The following HIPK3 variants were observed in gnomAD, a reference collection of about 807,000 sequenced individuals.
The protein encoded by HIPK3 is homeodomain-interacting protein kinase 3.
In HIPK3, 47 loss-of-function variants were observed where a neutral mutation model predicts 124.2. That is an observed-to-expected ratio of 0.38 (90% CI 0.30 to 0.48). The LOEUF is 0.48. HIPK3 is among the 20% of genes least tolerant of loss of function. HIPK3 has a pLI of 0.98. For missense variants in HIPK3, 1,286 were observed against 1,454.3 expected, an observed-to-expected ratio of 0.88 and a Z score of 1.88; for synonymous variants, 482 against 515.2, an observed-to-expected ratio of 0.94 and a Z score of 0.87.
chr11:33,312,777 C>G (rs1040549640), intron 2 of HIPK3, among the ~76,000 whole-genome samples: 3 of 152,130 alleles, frequency 2.0e-5, no homozygotes, highest in Non-Finnish European at 4.4e-5. Context: ...ACTTGTGATG[C>G]TTTTGGGTTT....
At chr11:33,296,391 A>C (rs768058065) in intron 2 of HIPK3, among the ~76,000 whole-genome samples, 4 of 152,182 alleles carry the variant, frequency 2.6e-5, no homozygotes, top group Non-Finnish European at 4.4e-5. Flanking sequence ...CAGGTCAGGT[A>C]TGCTCAGTGG....
Position 33,287,109 on chromosome 11 carries a change from C to T in HIPK3, c.695C>T (p.Pro232Leu). ...GCAATCAAAATTTTGAAGAATCATCCTTCTTATGCCCGTCAAGGTCAAATA... is the reference window on the plus strand; with the variant it reads ...GCAATCAAAATTTTGAAGAATCATCTTTCTTATGCCCGTCAAGGTCAAATA... ...IVAIKILKNHPSYARQGQIEV... is the reference protein window; with the variant it reads ...IVAIKILKNHLSYARQGQIEV... Residue 232 changes from proline to leucine, a missense_variant, in exon 2 of 17, where the codon CCT (proline) becomes CTT (leucine). Around this residue, in one of 3 missense-constraint regions of HIPK3, gnomAD observed 251 missense variants for 349.1 expected, o/e 0.72. Transcript: ENST00000303296. 6.2e-7 allele frequency: 1 copy of T among 1,614,122 alleles called. No individual in the cohort carries two copies.
chr11:33,316,206 G>T (rs1207557382), intron 2 of HIPK3, among the ~76,000 whole-genome samples: 1 of 152,154 alleles, frequency 6.6e-6, no homozygotes, highest in Non-Finnish European at 1.5e-5. Flanking sequence ...AATGTTGAGG[G>T]TTTGTTGCTT....
chr11:33,326,688 C>T (rs968999766), intron 2 of HIPK3, among the ~76,000 whole-genome samples: 1 of 150,604 alleles, frequency 6.6e-6, no homozygotes, highest in African/African-American at 2.5e-5. Context: ...TTTTTTTCCC[C>T]CGAGACAGAG....
intron 2 of HIPK3, among the ~76,000 whole-genome samples, chr11:33,326,625 A>G (rs1852819720): frequency 6.6e-6 from 1 of 152,146 alleles, no homozygotes; most frequent in Admixed American, 6.5e-5. Context: ...GATTATTGTC[A>G]GAAGAACATA....
intron 1 of HIPK3, 103 bp downstream of exon 1, chr11:33,257,992 C>G (rs960909912): frequency 6.9e-5 from 63 of 907,440 alleles, no homozygotes; most frequent in Non-Finnish European, 7.8e-5. Context: ...CGGGCCTGGC[C>G]CGACACCTCC....
intron 2 of HIPK3, among the ~76,000 whole-genome samples, chr11:33,292,062 C>T (rs1187283410): frequency 1.3e-5 from 2 of 152,088 alleles, no homozygotes; most frequent in African/African-American, 4.8e-5. Flanking sequence ...AAAATAACGG[C>T]TAATATTTTA....
chr11:33,256,724 TA>T (rs1850674989), upstream of HIPK3: 1 of 984,126 alleles, frequency 1.0e-6, no homozygotes, highest in Non-Finnish European at 1.2e-6. Context: ...TTAAACCGAC[TA>T]ATTTAACGGA....
chr11:33,341,309 A>T (rs1270457348), intron 7 of HIPK3, among the ~76,000 whole-genome samples, 182 bp downstream of exon 7: 1 of 152,126 alleles, frequency 6.6e-6, no homozygotes, highest in Admixed American at 6.5e-5. Flanking sequence ...ATCTACTCCG[A>T]TTCACTTTTT....
intron 6 of HIPK3, 32 bp downstream of exon 6, chr11:33,339,566 C>G (rs1283968486): frequency 5.0e-6 from 7 of 1,413,738 alleles, no homozygotes; most frequent in East Asian, 2.3e-5. Flanking sequence ...TAAAGTGGTT[C>G]TAAAAAAAAA....
chr11:33,278,828 A>C (rs1038922056), intron 1 of HIPK3, among the ~76,000 whole-genome samples: 1 of 152,124 alleles, frequency 6.6e-6, no homozygotes, highest in Admixed American at 6.5e-5. Flanking sequence ...TGGGCGACAG[A>C]GCGAGACTCC....
intron 2 of HIPK3, among the ~76,000 whole-genome samples, chr11:33,297,914 C>T (rs1477813742): frequency 1.3e-5 from 2 of 151,562 alleles, no homozygotes; most frequent in Non-Finnish European, 2.9e-5. Context: ...CTCAGCCTCC[C>T]GAGTAGCTGG....
intron 2 of HIPK3, among the ~76,000 whole-genome samples, chr11:33,311,670 C>A (rs193212908): frequency 6.6e-6 from 1 of 152,134 alleles, no homozygotes; most frequent in East Asian, 1.9e-4. Context: ...ATTGCTATCA[C>A]GCAAAGTCAG....
chr11:33,332,687 A>G lies in HIPK3; in HGVS notation c.1221+4054A>G, dbSNP rs377409036. 3.3e-4 allele frequency among the ~76,000 whole-genome samples: 50 copies of G among 152,382 alleles called. No individual in the cohort carries two copies. The South Asian group carries it at 8.5e-3, about 26-fold the overall frequency. On this transcript the variant is annotated intron_variant, in intron 3 of 16. Coordinates refer to ENST00000303296, the MANE Select transcript of HIPK3 (RefSeq NM_005734.5). ...CAACTGCAGAGAAAATAAATCTTTCAAGATTTCTATTTTTGTCAGGCTATT... is the reference window on the plus strand; with the variant it reads ...CAACTGCAGAGAAAATAAATCTTTCGAGATTTCTATTTTTGTCAGGCTATT...
upstream of HIPK3, chr11:33,256,814 G>A (rs1850677186): frequency 7.6e-6 from 4 of 524,456 alleles, no homozygotes; most frequent in Non-Finnish European, 9.8e-6. Flanking sequence ...ATTTCCAAGA[G>A]GACCCTTCCC....
Position 33,286,928 on chromosome 11 carries a change from A to G in HIPK3, c.514A>G (p.Lys172Glu). ...VTVVTATTGS[K>E]QNCTTGEGDY... The stretch of plus-strand genomic sequence containing the variant: ...AGTTGTGACAGCTACCACAGGATCA[A>G]AACAGAATTGTACCACTGGAGAAGG... The change falls in exon 2 of 17, where the codon AAA becomes GAA. Residue 172 changes from lysine to glutamate, a missense_variant. By Grantham distance (56) the Lys-to-Glu change is moderately conservative. Coordinates refer to ENST00000303296, the MANE Select transcript of HIPK3 (RefSeq NM_005734.5). 1.9e-6 allele frequency: 3 copies of G among 1,614,214 alleles called. No individual in the cohort carries two copies. The highest frequency in any genetic ancestry group is 2.5e-6 in the Non-Finnish European group (3 of 1,180,026).
chr11:33,306,172 CTT>C (rs925164603), intron 2 of HIPK3, among the ~76,000 whole-genome samples: 3 of 152,080 alleles, frequency 2.0e-5, no homozygotes, highest in Non-Finnish European at 4.4e-5. Flanking sequence ...ATAGATAACT[CTT>C]TTACTTAATT....
At chr11:33,257,247 A>ACGGAGGCGCCGCGGCCGGAGCGGAG, upstream of HIPK3, 9 of 983,630 alleles carry the variant, frequency 9.1e-6, no homozygotes, top group South Asian at 3.8e-4. Flanking sequence ...GAGGGGCTTC[A>ACGGAGGCGCCGCGGCCGGAGCGGAG]CGGAGGCGCC....
Position 33,353,784 on chromosome 11 carries a change from CTA to C in HIPK3, c.*217_*218del, listed in dbSNP as rs1312184385. On this transcript the variant is annotated 3_prime_UTR_variant, in exon 17 of 17. Coordinates refer to ENST00000303296, the MANE Select transcript of HIPK3 (RefSeq NM_005734.5). ...CATGTTATCTTCTTATGTAGTAACT[CTA>C]GACAGGTGACTTATGGGAGCAGAAG... 2 of 496,066 alleles carry C rather than the reference CTA, an allele frequency of 4.0e-6. No individual in the cohort carries two copies. Among genetic ancestry groups the C allele is most frequent in the African/African-American group, 3.9e-5 (2 of 51,646 alleles). The allele number at this position is 496,066 out of a possible 1,614,324, so 30.7% of individuals were successfully genotyped here. A position where few individuals can be genotyped will look rare whatever the true frequency, so the allele number is the denominator to read the frequency against.
Sources: gnomAD v4.1 joint callset for allele counts (sites outside exome capture counted in the v4.1 genomes callset) on GRCh38, gnomAD v4.1.1 for gene constraint, gnomAD v4.1.1 regional missense constraint, MANE v1.5 for transcripts, NCBI Gene and HGNC (gene_info 2026-07-23, HGNC 2026-07-21) for gene names.